Variants in PDGFRA observed in about 807,000 individuals in gnomAD.
PDGFRA encodes the protein platelet-derived growth factor receptor alpha.
A neutral mutation model predicts 121.5 loss-of-function variants in PDGFRA; 25 were observed. The ratio of observed to expected loss-of-function variants is 0.21; its 90% CI spans 0.15 to 0.29. The LOEUF (loss-of-function observed/expected upper bound fraction) is 0.29, where lower values mean the gene tolerates loss of function less well. Among genes scored for constraint, PDGFRA ranks in the 10% least tolerant of loss-of-function variants. The pLI is 1.00. For synonymous variants in PDGFRA, 463 were observed against 494.8 expected, an observed-to-expected ratio of 0.94 and a Z score of 0.85; for missense variants, 1,008 against 1,345.1, an observed-to-expected ratio of 0.75 and a Z score of 3.92.
At chr4:54,249,918 A>G (rs1721955431) in intron 1 of PDGFRA, among the ~76,000 whole-genome samples, 2 of 152,120 alleles carry the variant, frequency 1.3e-5, no homozygotes, top group Non-Finnish European at 2.9e-5. Context: ...GTAACAGAAA[A>G]TTGTAAAGGG....
intron 1 of PDGFRA, among the ~76,000 whole-genome samples, chr4:54,250,403 T>C (rs1366392975): frequency 1.3e-5 from 2 of 152,250 alleles, no homozygotes; most frequent in African/African-American, 4.8e-5. Context: ...AAAAGTGACA[T>C]ATTTGGCTTA....
At chr4:54,230,925 C>A (rs1292216740) in intron 1 of PDGFRA, among the ~76,000 whole-genome samples, 1 of 152,216 alleles carries the variant, frequency 6.6e-6, no homozygotes, top group East Asian at 1.9e-4. Flanking sequence ...ATCAGCTGTT[C>A]TATTCCGGGA....
At position 54,259,643 on chromosome 4, in the gene PDGFRA, T is replaced by C. The variant is rs972862984; in HGVS notation, c.49+826T>C. On this transcript the variant is annotated intron_variant, in intron 2 of 22. Transcript: ENST00000257290. ...AGTTAGCTCAGCCCGTTAGTGTCTT[T>C]GTCTTACCCATTTGGATATGGTAGA... Among the ~76,000 whole-genome samples, 4 of 152,202 alleles carry C rather than the reference T, an allele frequency of 2.6e-5. No individual in the cohort carries two copies. In the East Asian group the frequency reaches 7.7e-4, roughly 29 times the overall value.
intron 16 of PDGFRA, 62 bp from the exon 17 acceptor site, chr4:54,285,309 T>C: frequency 1.3e-6 from 1 of 792,872 alleles, no homozygotes; most frequent in East Asian, 2.4e-5. Context: ...TGGGCATGCC[T>C]CTGCAACCTG....
At chr4:54,230,701 C>A (rs1720611338) in intron 1 of PDGFRA, 1 of 152,342 alleles carries the variant, frequency 6.6e-6, no homozygotes, top group South Asian at 2.1e-4. Flanking sequence ...CGCGGGGGTG[C>A]GTGGCACTTG....
intron 5 of PDGFRA, among the ~76,000 whole-genome samples, chr4:54,265,703 T>G (rs1345933939): frequency 1.3e-5 from 2 of 152,196 alleles, no homozygotes; most frequent in African/African-American, 4.8e-5. Context: ...ATGCTGCCTC[T>G]TGGTCACTGG....
At chr4:54,255,247 C>G (rs1472124163) in intron 1 of PDGFRA, among the ~76,000 whole-genome samples, 1 of 152,156 alleles carries the variant, frequency 6.6e-6, no homozygotes, top group Non-Finnish European at 1.5e-5. Context: ...ATAATGATTT[C>G]TTTTTGTTCT....
Position 54,274,867 on chromosome 4 carries a change from G to A in PDGFRA, c.1680G>A (p.Arg560=), listed in dbSNP as rs760250543. Reference sequence around the variant, plus strand: ...AACCGAGGTATGAAATTCGCTGGAGGGTCATTGAATCAATCAGCCCAGATG... The same window carrying A: ...AACCGAGGTATGAAATTCGCTGGAGAGTCATTGAATCAATCAGCCCAGATG... ...KQKPRYEIRW[R]VIESISPDGH... is the part of the protein sequence containing the mutation. The change falls in exon 12 of 23, where the codon AGG becomes AGA. Residue 560 remains arginine (R), a synonymous_variant. Transcript: ENST00000257290. 1.9e-6 allele frequency: 3 copies of A among 1,614,060 alleles called. No individual in the cohort carries two copies. Among genetic ancestry groups the A allele is most frequent in the Non-Finnish European group, 2.5e-6 (3 of 1,179,976 alleles).
Position 54,295,225 on chromosome 4 carries a change from G to C in PDGFRA, c.3223G>C (p.Asp1075His). The C allele has an allele frequency of 6.2e-7, 1 of 1,613,908 alleles. No individual in the cohort carries two copies. Among genetic ancestry groups the C allele is most frequent in the Non-Finnish European group, 8.5e-7 (1 of 1,179,822 alleles). ...ETIEDIDMMD[D>H]IGIDSSDLVE... ...CATTGAAGACATCGACATGATGGAT[G>C]ACATCGGCATAGACTCTTCAGACCT... The change falls in exon 23 of 23, where the codon GAC (aspartate) becomes CAC (histidine). Residue 1075 changes from aspartate to histidine, a missense_variant. Physicochemically the swap from Asp to His is moderately conservative, Grantham distance 81 (BLOSUM62 -1). This residue lies in a region of PDGFRA where 204 missense variants were observed against 243.0 expected (regional missense o/e 0.84). Transcript: ENST00000257290.
At chr4:54,245,559 G>A (rs1721596776) in intron 1 of PDGFRA, among the ~76,000 whole-genome samples, 1 of 152,058 alleles carries the variant, frequency 6.6e-6, no homozygotes, top group African/African-American at 2.4e-5. Context: ...AGCTCCTGAA[G>A]GAAGCACTAA....
At position 54,292,815 on chromosome 4, in the gene PDGFRA, G is replaced by C. The variant is rs141702616; in HGVS notation, c.3122+2261G>C. ...TACCGCATGTTCTCACTTATAAGTG[G>C]GAGCTAAAACTACGAGAACACATGG... is the stretch of plus-strand genomic sequence containing the variant. On this transcript the variant is annotated intron_variant, in intron 22 of 22. Coordinates refer to ENST00000257290, the MANE Select transcript of PDGFRA (RefSeq NM_006206.6). 5.3e-3 allele frequency among the ~76,000 whole-genome samples: 805 copies of C among 152,180 alleles called. 7 individuals are homozygous for C. Among genetic ancestry groups the C allele is most frequent in the African/African-American group, 0.018 (727 of 41,500 alleles).
rs1723839457 is a variant in PDGFRA, at chr4:54,278,090, C to T, written c.2002+84C>T. ...TTCAATCAGGCTTAAATCCTCCACT[C>T]TCCATCCCCACACATGGCAGGGAAT... On this transcript the variant is annotated intron_variant, in intron 14 of 22. Transcript: ENST00000257290. The T allele has an allele frequency of 3.5e-6, 3 of 853,458 alleles. No individual in the cohort carries two copies. In the East Asian group the frequency reaches 7.4e-5, roughly 21 times the overall value. The allele number at this position is 853,458 out of a possible 1,614,324, so 52.9% of individuals were successfully genotyped here. A position where few individuals can be genotyped will look rare whatever the true frequency, so the allele number is the denominator to read the frequency against.
At chr4:54,280,598 G>A (rs1724025023) in intron 16 of PDGFRA, 116 bp downstream of exon 16, 1 of 797,402 alleles carries the variant, frequency 1.3e-6, no homozygotes, top group Non-Finnish European at 2.1e-6. Flanking sequence ...AGCCCACGTG[G>A]TCTCTAAATG....
intron 22 of PDGFRA, among the ~76,000 whole-genome samples, chr4:54,293,945 TCC>T (rs1724757636): frequency 1.4e-5 from 1 of 70,830 alleles, no homozygotes; most frequent in African/African-American, 4.7e-5. Context: ...GTGTGTGTTT[TCC>T]TCTTCTTTCC....
rs1458825658 is a variant in PDGFRA, at chr4:54,280,345, G to T, written c.2186G>T (p.Gly729Val). The T allele has an allele frequency of 4.3e-6, 7 of 1,613,704 alleles. No homozygotes were observed. Among genetic ancestry groups the T allele is most frequent in the Non-Finnish European group, 5.9e-6 (7 of 1,179,648 alleles). Reference protein sequence around the residue: ...SYVILSFENNGDYMDMKQADT... With the variant: ...SYVILSFENNVDYMDMKQADT... ...GTTATTTTATCTTTTGAAAACAATG[G>T]TGACTACATGGACATGAAGCAGGCT... Residue 729 changes from glycine (G) to valine (V), a missense_variant, in exon 16 of 23, where the codon GGT (glycine) becomes GTT (valine). Around this residue, in one of 5 missense-constraint regions of PDGFRA, gnomAD observed 128 missense variants for 147.6 expected, o/e 0.87. Coordinates refer to ENST00000257290, the MANE Select transcript of PDGFRA (RefSeq NM_006206.6).
At chr4:54,274,003 G>A (rs569997510) in intron 10 of PDGFRA, among the ~76,000 whole-genome samples, 1 of 152,170 alleles carries the variant, frequency 6.6e-6, no homozygotes, top group Admixed American at 6.5e-5. Context: ...ATCCAAAACT[G>A]CATTTTTGCA....
At chr4:54,259,514 T>C (rs933136555) in intron 2 of PDGFRA, among the ~76,000 whole-genome samples, 2 of 152,204 alleles carry the variant, frequency 1.3e-5, no homozygotes, top group East Asian at 1.9e-4. Flanking sequence ...AAAAGGATCA[T>C]TGGGGTAATT....
chr4:54,265,953 C>T (rs768984728), intron 5 of PDGFRA, among the ~76,000 whole-genome samples: 1 of 152,208 alleles, frequency 6.6e-6, no homozygotes, highest in Non-Finnish European at 1.5e-5. Context: ...ATCCGTTTCT[C>T]TCTCCCATGC....
intron 1 of PDGFRA, among the ~76,000 whole-genome samples, chr4:54,245,916 A>G (rs551080950): frequency 3.9e-5 from 6 of 152,220 alleles, no homozygotes; most frequent in African/African-American, 1.2e-4. Flanking sequence ...TTGCAATCCT[A>G]GTCTCTGATA....
Sources: allele counts gnomAD v4.1 joint callset (sites outside exome capture counted in the v4.1 genomes callset), GRCh38; gene constraint gnomAD v4.1.1; regional missense constraint gnomAD v4.1.1; transcripts MANE v1.5; gene names NCBI Gene and HGNC (gene_info 2026-07-23, HGNC 2026-07-21).